The following NECTIN1 variants were observed in gnomAD, a reference collection of about 807,000 sequenced individuals.
NECTIN1 encodes nectin cell adhesion molecule 1.
Under a neutral mutation model 48.0 loss-of-function variants are expected in NECTIN1, and 23 were observed. The observed-to-expected ratio is 0.48, with a 90% CI of 0.34 to 0.68. The LOEUF is 0.68. NECTIN1 is among the 30% of genes least tolerant of loss of function. The probability of loss-of-function intolerance (pLI) is 0.01; values close to 1 mark genes in which losing one functional copy is unlikely to be tolerated. For missense variants in NECTIN1, 591 were observed against 709.9 expected (o/e 0.83, Z 1.90); for synonymous variants, 270 against 288.9 (o/e 0.93, Z 0.66).
At chr11:119,701,152 C>T (rs1309910934) in intron 1 of NECTIN1, among the ~76,000 whole-genome samples, 1 of 152,208 alleles carries the variant, frequency 6.6e-6, no homozygotes, top group Non-Finnish European at 1.5e-5. Flanking sequence ...TGTAACTGCT[C>T]TGTGCCTCAG....
At chr11:119,682,872 G>A (rs959759294) in intron 1 of NECTIN1, among the ~76,000 whole-genome samples, 6 of 152,114 alleles carry the variant, frequency 3.9e-5, no homozygotes, top group Non-Finnish European at 5.9e-5. Context: ...GCTACTAGGC[G>A]CCCCTCTTCC....
intron 1 of NECTIN1, among the ~76,000 whole-genome samples, chr11:119,707,250 G>A (rs1451089189): frequency 6.6e-6 from 1 of 152,078 alleles, no homozygotes; most frequent in Non-Finnish European, 1.5e-5. Context: ...CCTCACCACT[G>A]ACCTCTCTCC....
intron 1 of NECTIN1, among the ~76,000 whole-genome samples, chr11:119,715,721 T>C (rs1317000660): frequency 6.6e-6 from 1 of 152,108 alleles, no homozygotes; most frequent in South Asian, 2.1e-4. Flanking sequence ...AGTGTCACTG[T>C]CCCTTCACGT....
intron 5 of NECTIN1, among the ~76,000 whole-genome samples, chr11:119,646,887 T>A (rs537078780): frequency 3.0e-4 from 45 of 152,318 alleles, no homozygotes; most frequent in African/African-American, 1.0e-3. Flanking sequence ...TTGTCGGCCA[T>A]GAGTGAGGTA....
intron 5 of NECTIN1, among the ~76,000 whole-genome samples, chr11:119,652,825 A>G (rs1864512478): frequency 6.6e-6 from 1 of 152,180 alleles, no homozygotes; most frequent in South Asian, 2.1e-4. Flanking sequence ...TGGACCCCAA[A>G]GTTACATACA....
intron 1 of NECTIN1, among the ~76,000 whole-genome samples, chr11:119,680,084 T>C (rs1865032417): frequency 6.6e-6 from 1 of 152,210 alleles, no homozygotes. Context: ...CTACACAAAT[T>C]GCAATGGAAG....
chr11:119,644,347 G>T (rs566805738), intron 5 of NECTIN1, among the ~76,000 whole-genome samples: 1 of 152,330 alleles, frequency 6.6e-6, no homozygotes, highest in East Asian at 1.9e-4. Flanking sequence ...GGGAGCCCGA[G>T]GAGCTTTGGG....
In NECTIN1 at chr11:119,661,845, TGCGTGTACAC is replaced by T; in HGVS notation, c.*2892_*2901del. ...GGCTGTGCATGCATGCGTGTGTACA[TGCGTGTACAC>T]ATGCCTGCGCGTGGGTGTGTTGGAG... On this transcript the variant is annotated 3_prime_UTR_variant, in exon 6 of 6. Transcript: ENST00000264025. The T allele has an allele frequency of 3.0e-6, 3 of 985,202 alleles. No individual in the cohort carries two copies. The African/African-American group carries it at 5.2e-5, about 17-fold the overall frequency. The allele number at this position is 985,202 out of a possible 1,614,324, so 61.0% of individuals were successfully genotyped here.
intron 1 of NECTIN1, among the ~76,000 whole-genome samples, chr11:119,703,452 G>GT (rs1209305749): frequency 6.6e-6 from 1 of 152,212 alleles, no homozygotes; most frequent in Non-Finnish European, 1.5e-5. Context: ...CCTTCTTGGT[G>GT]TTTGCCTTGG....
At chr11:119,640,117 G>T in intron 5 of NECTIN1, 2 of 1,256,746 alleles carry the variant, frequency 1.6e-6, no homozygotes, top group South Asian at 2.6e-5. Flanking sequence ...CTCTGCCTTT[G>T]ACATTGCACC....
Position 119,714,152 on chromosome 11 carries a change from C to A in NECTIN1, c.79+14323G>T, listed in dbSNP as rs559634496. 1.1e-4 allele frequency among the ~76,000 whole-genome samples: 17 copies of A among 152,308 alleles called. No individual in the cohort carries two copies. The East Asian group carries it at 3.3e-3, about 29-fold the overall frequency. Reference sequence around the variant, plus strand: ...AGCAAAGAGGCAGGAGCGGCAGCCTCTGGGTGGGCCCCTATTGAGGGGCAG... The same window carrying A: ...AGCAAAGAGGCAGGAGCGGCAGCCTATGGGTGGGCCCCTATTGAGGGGCAG... On this transcript the variant is annotated intron_variant, in intron 1 of 5. Transcript: ENST00000264025.
At chr11:119,708,919 G>A (rs1448320865) in intron 1 of NECTIN1, among the ~76,000 whole-genome samples, 1 of 151,944 alleles carries the variant, frequency 6.6e-6, no homozygotes, top group Admixed American at 6.6e-5. Flanking sequence ...ACGGCTCAGC[G>A]CAGCTGCTAA....
At chr11:119,649,477 CAGG>C (rs1864459329) in intron 5 of NECTIN1, among the ~76,000 whole-genome samples, 1 of 151,838 alleles carries the variant, frequency 6.6e-6, no homozygotes, top group Non-Finnish European at 1.5e-5. Flanking sequence ...TGCATGAGCT[CAGG>C]AGTTCAAAAC....
In NECTIN1 at chr11:119,664,210, G is replaced by A. The variant is rs114119887; in HGVS notation, c.*537C>T. 4,771 of 987,070 alleles carry A rather than the reference G, an allele frequency of 4.8e-3. 177 individuals are homozygous for A. In the African/African-American group the frequency reaches 0.076, roughly 16 times the overall value. 61.1% of individuals were successfully genotyped at this position (987,070 alleles called of 1,614,324 possible). A position where few individuals can be genotyped will look rare whatever the true frequency, so the allele number is the denominator to read the frequency against. ...GCACCCCTCCCCCTACCTCTTGGGCGCACCAGCTGTCTAGACCCAAGGTCC... is the reference window on the plus strand; with the variant it reads ...GCACCCCTCCCCCTACCTCTTGGGCACACCAGCTGTCTAGACCCAAGGTCC... On this transcript the variant is annotated 3_prime_UTR_variant, in exon 6 of 6. Coordinates refer to ENST00000264025, the MANE Select transcript of NECTIN1 (RefSeq NM_002855.5).
At position 119,698,250 on chromosome 11, in the gene NECTIN1, G is replaced by A. The variant is rs74834760; in HGVS notation, c.80-19485C>T. Among the ~76,000 whole-genome samples, 1,393 of 152,358 alleles carry A rather than the reference G, an allele frequency of 9.1e-3. 39 individuals are homozygous for A. The highest frequency in any genetic ancestry group is 0.089 in the East Asian group (460 of 5,182). ...CATACCCCACCAGAGTTGGGGGCCT[G>A]AGCCTCTAGACTTTCCCAGCTGAAG... is the stretch of plus-strand genomic sequence containing the variant. On this transcript the variant is annotated intron_variant, in intron 1 of 5. Coordinates refer to ENST00000264025, the MANE Select transcript of NECTIN1 (RefSeq NM_002855.5).
At chr11:119,648,277 A>G (rs141168419) in intron 5 of NECTIN1, among the ~76,000 whole-genome samples, 13,169 of 23,520 alleles carry the variant, frequency 0.56, 3,030 homozygotes, top group Non-Finnish European at 0.62. Context: ...GGTGGTGGTG[A>G]TGGTGGTGGT....
At chr11:119,697,105 A>T (rs1482888806) in intron 1 of NECTIN1, among the ~76,000 whole-genome samples, 4 of 151,992 alleles carry the variant, frequency 2.6e-5, no homozygotes, top group African/African-American at 4.8e-5. Flanking sequence ...TCTCACCCAC[A>T]ATAGATGTGG....
intron 6 of NECTIN1, among the ~76,000 whole-genome samples, chr11:119,639,032 C>A (rs188879065): frequency 1.3e-5 from 2 of 152,188 alleles, no homozygotes; most frequent in African/African-American, 4.8e-5. Flanking sequence ...GTGTCTGCCC[C>A]GGACCCCAGC....
intron 5 of NECTIN1, chr11:119,674,575 C>G: frequency 6.2e-7 from 1 of 1,614,216 alleles, no homozygotes; most frequent in East Asian, 2.2e-5. Context: ...CTTTCACGTC[C>G]CAGGTGAAGT....
Sources: gnomAD v4.1 joint callset for allele counts (sites outside exome capture counted in the v4.1 genomes callset) on GRCh38, gnomAD v4.1.1 for gene constraint, MANE v1.5 for transcripts, NCBI Gene and HGNC (gene_info 2026-07-23, HGNC 2026-07-21) for gene names.